NIBAN2: variants seen among roughly 807,000 people sequenced by gnomAD.
NIBAN2 encodes the protein protein Niban 2.
A neutral mutation model predicts 81.8 loss-of-function variants in NIBAN2; 36 were observed. The observed-to-expected ratio is 0.44, with a 90% CI of 0.34 to 0.58. The LOEUF (loss-of-function observed/expected upper bound fraction) is 0.58. Among genes scored for constraint, NIBAN2 ranks in the 20% least tolerant of loss-of-function variants. NIBAN2 has a pLI of 0.02. For missense variants in NIBAN2, 897 were observed against 1,014.1 expected, an observed-to-expected ratio of 0.88 and a Z score of 1.57; for synonymous variants, 445 against 441.6, an observed-to-expected ratio of 1.01 and a Z score of -0.10.
intron 1 of NIBAN2, among the ~76,000 whole-genome samples, chr9:127,547,546 A>C (rs185311342): frequency 2.3e-3 from 344 of 150,354 alleles, no homozygotes; most frequent in African/African-American, 5.5e-3. Flanking sequence ...ACAACAACAA[A>C]AAACAGCACC....
chr9:127,567,702 G>C (rs117387816), intron 1 of NIBAN2, among the ~76,000 whole-genome samples: 19 of 152,252 alleles, frequency 1.2e-4, no homozygotes, highest in Non-Finnish European at 2.2e-4. Context: ...AGGCGGACGC[G>C]GTGCTCAGGG....
In NIBAN2 at chr9:127,545,354, G is replaced by T. The variant is rs1233544581; in HGVS notation, c.56-13576C>A. ...CAACCACAGTTAATGCCTCATCTGA[G>T]ACGCTCCCCGGACTGAGACTGCTCT... On this transcript the variant is annotated intron_variant, in intron 1 of 13. Transcript: ENST00000373312. The surrounding 1 kb of genome is among the most constrained non-coding windows in gnomAD (Gnocchi z 4.7). Among the ~76,000 whole-genome samples, 1 of 152,152 alleles carries T rather than the reference G, an allele frequency of 6.6e-6. No homozygotes were observed. The highest frequency in any genetic ancestry group is 1.5e-5 in the Non-Finnish European group (1 of 68,016).
chr9:127,523,971 C>G (rs900231509), intron 4 of NIBAN2, 125 bp from the exon 5 acceptor site: 26 of 1,027,798 alleles, frequency 2.5e-5, no homozygotes, highest in Non-Finnish European at 3.7e-5. Context: ...GCCAGCCTGT[C>G]CCAAGGTGAC....
chr9:127,574,288 C>A (rs1364792213), intron 1 of NIBAN2, among the ~76,000 whole-genome samples: 2 of 152,156 alleles, frequency 1.3e-5, no homozygotes, highest in Non-Finnish European at 2.9e-5. Context: ...AGAATGCCAC[C>A]TACAGGTCCT....
intron 8 of NIBAN2, among the ~76,000 whole-genome samples, chr9:127,511,821 C>A (rs1836740720): frequency 6.6e-6 from 1 of 152,136 alleles, no homozygotes; most frequent in Non-Finnish European, 1.5e-5. Flanking sequence ...GAAAGGTACT[C>A]AACCCAAAAC....
chr9:127,543,875 T>C (rs1446813359), intron 1 of NIBAN2, among the ~76,000 whole-genome samples: 2 of 152,180 alleles, frequency 1.3e-5, no homozygotes, highest in African/African-American at 4.8e-5. Context: ...ATGTAACAGT[T>C]AGTTCTGTGC....
intron 5 of NIBAN2, among the ~76,000 whole-genome samples, chr9:127,521,097 A>G (rs887578980): frequency 6.6e-6 from 1 of 152,112 alleles, no homozygotes; most frequent in African/African-American, 2.4e-5. Context: ...TCTGCTGTGT[A>G]GCTGCCCGGT....
intron 1 of NIBAN2, among the ~76,000 whole-genome samples, chr9:127,552,757 C>G (rs2132223897): frequency 7.6e-6 from 1 of 132,444 alleles, no homozygotes; most frequent in Non-Finnish European, 1.5e-5. Context: ...GGTGTGATCT[C>G]AGCTCACTGC....
chr9:127,510,152 C>T lies in NIBAN2; in HGVS notation c.1155G>A (p.Leu385=). 2 of 1,610,600 alleles carry T rather than the reference C, an allele frequency of 1.2e-6. No homozygotes were observed. Among genetic ancestry groups the T allele is most frequent in the East Asian group, 2.2e-5 (1 of 44,782 alleles). Residue 385 remains leucine, a synonymous_variant, in exon 9 of 14, where the codon CTG becomes CTA. Coordinates refer to ENST00000373312, the MANE Select transcript of NIBAN2 (RefSeq NM_022833.4). ...GGGGCGGTGCCGGCCTCACCTCGCC[C>T]AGCTTGTCAATGCCGCCCTCGTTGA... ...NVINEGGIDK[L]GEYMEKLSRL... is the part of the protein sequence containing the mutation.
At chr9:127,576,947 T>A (rs1240124505) in intron 1 of NIBAN2, among the ~76,000 whole-genome samples, 2 of 151,420 alleles carry the variant, frequency 1.3e-5, no homozygotes, top group African/African-American at 4.8e-5. Context: ...TGCCTCGGCC[T>A]CCCAAAGTGC....
intron 1 of NIBAN2, among the ~76,000 whole-genome samples, chr9:127,537,728 C>G (rs1485919856): frequency 6.6e-6 from 1 of 152,186 alleles, no homozygotes; most frequent in Non-Finnish European, 1.5e-5. Flanking sequence ...ACACACCATT[C>G]TTCAAATGGC....
chr9:127,539,222 G>A (rs1159387106), intron 1 of NIBAN2, among the ~76,000 whole-genome samples: 1 of 152,002 alleles, frequency 6.6e-6, no homozygotes, highest in Non-Finnish European at 1.5e-5. Flanking sequence ...GGAAAGAGGT[G>A]GGTTTTGGAC....
chr9:127,518,817 C>T (rs1035280084), intron 5 of NIBAN2, among the ~76,000 whole-genome samples: 7 of 152,296 alleles, frequency 4.6e-5, no homozygotes, highest in African/African-American at 1.2e-4. Flanking sequence ...CCACTGGGCC[C>T]GGGGTCTGTC....
chr9:127,509,166 C>A, intron 9 of NIBAN2, 35 bp from the exon 10 acceptor site: 1 of 1,576,862 alleles, frequency 6.3e-7, no homozygotes, highest in Non-Finnish European at 8.6e-7. Context: ...CTGAGCAGGG[C>A]CGCCCTGTGG....
Position 127,544,590 on chromosome 9 carries a change from G to A in NIBAN2, c.56-12812C>T, listed in dbSNP as rs573102284. 1.0e-3 allele frequency among the ~76,000 whole-genome samples: 156 copies of A among 151,726 alleles called. 2 individuals carry two copies. The highest frequency in any genetic ancestry group is 1.7e-3 in the Admixed American group (26 of 15,214). On this transcript the variant is annotated intron_variant, in intron 1 of 13. Coordinates refer to ENST00000373312, the MANE Select transcript of NIBAN2 (RefSeq NM_022833.4). ...ATGATCTCAGCTCGCTGCAATCTCCGCCTCCCAGGTTCAAACAATTCTCCT... is the reference window on the plus strand; with the variant it reads ...ATGATCTCAGCTCGCTGCAATCTCCACCTCCCAGGTTCAAACAATTCTCCT...
Position 127,527,260 on chromosome 9 carries a change from C to T in NIBAN2, c.249G>A (p.Lys83=), listed in dbSNP as rs990044467. The change falls in exon 3 of 14, where the codon AAG becomes AAA. Residue 83 remains lysine, a synonymous_variant. Coordinates refer to ENST00000373312, the MANE Select transcript of NIBAN2 (RefSeq NM_022833.4). ...GNLFQHQEDS[K]KWRNRFSLVP... ...CGAGGCTGAAGCGGTTTCTCCACTT[C>T]TTGCTGTCCTCCTGGTGCTGGAAGA... 1 of 1,614,014 alleles carries T rather than the reference C, an allele frequency of 6.2e-7. No homozygotes were observed. Among genetic ancestry groups the T allele is most frequent in the Non-Finnish European group, 8.5e-7 (1 of 1,180,016 alleles).
At chr9:127,509,239 C>T (rs1319046425) in intron 9 of NIBAN2, 108 bp from the exon 10 acceptor site, 1 of 1,139,838 alleles carries the variant, frequency 8.8e-7, no homozygotes, top group Non-Finnish European at 1.2e-6. Flanking sequence ...GGGCTGGCGC[C>T]TGCTACCAGG....
chr9:127,570,674 C>G (rs1389425861), upstream of NIBAN2, among the ~76,000 whole-genome samples: 1 of 152,114 alleles, frequency 6.6e-6, no homozygotes, highest in African/African-American at 2.4e-5. Flanking sequence ...GGGGTAGGAC[C>G]AGAACTGGAA....
In NIBAN2 at chr9:127,508,006, A is replaced by G; in HGVS notation, c.1543-28T>C. On this transcript the variant is annotated intron_variant, in intron 12 of 13. Transcript: ENST00000373312. The surrounding 1 kb of genome is among the most constrained non-coding windows in gnomAD (Gnocchi z 6.4). Reference sequence around the variant, plus strand: ...GCCCGGGTGGGGCGGCAGAGATGAGAGGTCAGGGCCAAGGGTAGAGGGAGG... The same window carrying G: ...GCCCGGGTGGGGCGGCAGAGATGAGGGGTCAGGGCCAAGGGTAGAGGGAGG... The G allele has an allele frequency of 6.2e-7, 1 of 1,613,012 alleles. No individual in the cohort carries two copies. The highest frequency in any genetic ancestry group is 8.5e-7 in the Non-Finnish European group (1 of 1,179,134).
Sources: gnomAD v4.1 joint callset for allele counts (sites outside exome capture counted in the v4.1 genomes callset) on GRCh38, gnomAD v4.1.1 for gene constraint, Gnocchi (gnomAD v3.1) non-coding constraint, MANE v1.5 for transcripts, NCBI Gene and HGNC (gene_info 2026-07-23, HGNC 2026-07-21) for gene names.